The following SBNO2 variants were observed in gnomAD, a reference collection of about 807,000 sequenced individuals.
SBNO2 encodes protein strawberry notch homolog 2.
In SBNO2, 89 loss-of-function variants were observed where a neutral mutation model predicts 146.3. The ratio of observed to expected loss-of-function variants is 0.61; its 90% confidence interval spans 0.51 to 0.73. The LOEUF (loss-of-function observed/expected upper bound fraction) is 0.73, where lower values mean the gene tolerates loss of function less well. Ranked by LOEUF, SBNO2 falls within the 30% of genes least tolerant of loss-of-function variation. The pLI, the probability that SBNO2 is intolerant of heterozygous loss-of-function variation, is 0.00. For missense variants in SBNO2, 2,092 were observed against 2,003.7 expected (o/e 1.04, Z -0.84); for synonymous variants, 1,147 against 892.6 (o/e 1.29, Z -5.08).
At chr19:1,151,901 A>T (rs2080245916) in intron 2 of SBNO2, among the ~76,000 whole-genome samples, 1 of 152,106 alleles carries the variant, frequency 6.6e-6, no homozygotes. Flanking sequence ...GACCCCAAGC[A>T]ATGTGCCCAC....
At chr19:1,119,871 T>C (rs1260153690) in intron 12 of SBNO2, 35 bp downstream of exon 12, 19 of 1,463,470 alleles carry the variant, frequency 1.3e-5, no homozygotes, top group Non-Finnish European at 1.8e-5. Flanking sequence ...AAGACGCTGC[T>C]GCGGGTGGGT....
At chr19:1,130,766 T>C (rs975661112) in intron 4 of SBNO2, among the ~76,000 whole-genome samples, 2 of 152,192 alleles carry the variant, frequency 1.3e-5, no homozygotes, top group African/African-American at 4.8e-5. Flanking sequence ...CACACCAGCC[T>C]GGGTGACAGA....
chr19:1,133,449 C>T (rs1207182321), intron 4 of SBNO2, among the ~76,000 whole-genome samples: 1 of 151,844 alleles, frequency 6.6e-6, no homozygotes, highest in Non-Finnish European at 1.5e-5. Context: ...GTGCACTCCG[C>T]CCCCTCGGGC....
chr19:1,129,648 G>A (rs769759716), intron 4 of SBNO2, among the ~76,000 whole-genome samples: 1 of 152,186 alleles, frequency 6.6e-6, no homozygotes, highest in Admixed American at 6.5e-5. Context: ...GCCTGGTCAC[G>A]CTGACCTGTG....
chr19:1,107,781 G>A lies in SBNO2; in HGVS notation c.*439C>T, dbSNP rs1318514418. 2 of 154,148 alleles carry A rather than the reference G, an allele frequency of 1.3e-5. No individual in the cohort carries two copies. Among genetic ancestry groups the A allele is most frequent in the Non-Finnish European group, 2.9e-5 (2 of 69,068 alleles). The allele number at this position is 154,148 out of a possible 1,614,324, so 9.5% of individuals were successfully genotyped here. On this transcript the variant is annotated 3_prime_UTR_variant, in exon 32 of 32. Coordinates refer to ENST00000361757, the MANE Select transcript of SBNO2 (RefSeq NM_014963.3). ...AGAGGTGAGCGGGCAATAACTTAGGGGTCAGGGAAGGGCTGGGGGAGGGAG... is the reference window on the plus strand; with the variant it reads ...AGAGGTGAGCGGGCAATAACTTAGGAGTCAGGGAAGGGCTGGGGGAGGGAG...
chr19:1,111,775 G>C lies in SBNO2; in HGVS notation c.2701-161C>G, dbSNP rs560966999. On this transcript the variant is annotated intron_variant, in intron 23 of 31. Transcript: ENST00000361757. ...CCCAGCTCTCAGCCACCTCCTCCCC[G>C]GGGGTCCTAGACTGGGTCCTCCCCC... 6.0e-3 allele frequency among the ~76,000 whole-genome samples: 425 copies of C among 70,982 alleles called. 1 individual carries two copies. Among genetic ancestry groups the C allele is most frequent in the African/African-American group, 0.021 (396 of 18,600 alleles). 46.6% of individuals were successfully genotyped at this position (70,982 alleles called of 152,430 possible). A position where few individuals can be genotyped will look rare whatever the true frequency, so the allele number is the denominator to read the frequency against.
chr19:1,129,918 T>C (rs572793528), intron 4 of SBNO2, among the ~76,000 whole-genome samples: 1 of 152,216 alleles, frequency 6.6e-6, no homozygotes, highest in South Asian at 2.1e-4. Context: ...CCTCACCAGG[T>C]GCCCTTGGCC....
At chr19:1,131,970 C>T (rs1241335166) in intron 4 of SBNO2, 6 of 650,854 alleles carry the variant, frequency 9.2e-6, no homozygotes. Context: ...TCCTGGCGGC[C>T]TCGGACTCTA....
chr19:1,132,758 G>A (rs1170673187), intron 4 of SBNO2, among the ~76,000 whole-genome samples: 2 of 152,128 alleles, frequency 1.3e-5, no homozygotes, highest in African/African-American at 2.4e-5. Context: ...TTTCCCTGCT[G>A]TCCGTGCCCA....
intron 5 of SBNO2, among the ~76,000 whole-genome samples, chr19:1,125,609 G>T (rs2079956303): frequency 6.6e-6 from 1 of 152,132 alleles, no homozygotes; most frequent in East Asian, 1.9e-4. Flanking sequence ...GGAGGTGGAG[G>T]GTGCAGTGAG....
intron 7 of SBNO2, 64 bp from the exon 8 acceptor site, chr19:1,123,109 T>C (rs2079923433): frequency 3.9e-6 from 6 of 1,543,882 alleles, no homozygotes; most frequent in African/African-American, 1.4e-5. Flanking sequence ...GGGCCGGTTA[T>C]GGCACGCTGG....
In SBNO2 at chr19:1,123,063, G is replaced by A; in HGVS notation, c.629-18C>T. The A allele has an allele frequency of 6.3e-7, 1 of 1,589,262 alleles. No homozygotes were observed. Among genetic ancestry groups the A allele is most frequent in the Non-Finnish European group, 8.6e-7 (1 of 1,168,722 alleles). ...GATCTTGGCTGGAGGAGCAAGGACG[G>A]AGGGCAAGGTAAAGGGTATGGCCAA... On this transcript the variant is annotated intron_variant, in intron 7 of 31. Coordinates refer to ENST00000361757, the MANE Select transcript of SBNO2 (RefSeq NM_014963.3).
At position 1,117,617 on chromosome 19, in the gene SBNO2, C is replaced by T. The variant is rs528616932; in HGVS notation, c.1528-118G>A. On this transcript the variant is annotated intron_variant, in intron 14 of 31. Coordinates refer to ENST00000361757, the MANE Select transcript of SBNO2 (RefSeq NM_014963.3). ...TCCCCACGCCAGGTGGAATTTAGGG[C>T]AGGATGGGGGTGCTGGGGGTGTGCA... 3.7e-6 allele frequency: 4 copies of T among 1,079,016 alleles called. No individual in the cohort carries two copies. The East Asian group carries it at 1.0e-4, about 28-fold the overall frequency. The allele number at this position is 1,079,016 out of a possible 1,614,324, so 66.8% of individuals were successfully genotyped here.
intron 1 of SBNO2, among the ~76,000 whole-genome samples, chr19:1,163,857 C>T (rs1415766019): frequency 2.0e-5 from 3 of 152,212 alleles, no homozygotes; most frequent in Non-Finnish European, 2.9e-5. Context: ...CCCCGCCCCA[C>T]GAGGAACGGC....
In SBNO2 at chr19:1,109,064, C is replaced by CCTCTCA; in HGVS notation, c.3425+70_3425+71insTGAGAG. ...GATCTCCCGCCTCCTCTCAGGGTCT[C>CCTCTCA]GGGAGCCCCCGATCCCCGCCTGGGT... On this transcript the variant is annotated intron_variant, in intron 30 of 31. Transcript: ENST00000361757. The surrounding 1 kb of genome is among the most constrained non-coding windows in gnomAD (Gnocchi z 4.2). 2 of 1,526,160 alleles carry CCTCTCA rather than the reference C, an allele frequency of 1.3e-6. No individual in the cohort carries two copies. The highest frequency in any genetic ancestry group is 1.8e-6 in the Non-Finnish European group (2 of 1,137,178). The allele number at this position is 1,526,160 out of a possible 1,614,324, so 94.5% of individuals were successfully genotyped here.
In SBNO2 at chr19:1,149,363, A is replaced by G; in HGVS notation, c.167+6T>C. The G allele has an allele frequency of 4.5e-6, 7 of 1,550,956 alleles. No individual in the cohort carries two copies. Among genetic ancestry groups the G allele is most frequent in the African/African-American group, 1.4e-5 (1 of 73,154 alleles). On this transcript the variant is annotated splice_donor_region_variant and intron_variant, in intron 3 of 31. Coordinates refer to ENST00000361757, the MANE Select transcript of SBNO2 (RefSeq NM_014963.3). ...GGGGCCAGGCGGGGAGGGTCCCGGT[A>G]CTCACCGGCTGTCGCTGGAGAAGGC... is the stretch of plus-strand genomic sequence containing the variant.
At chr19:1,128,281 C>A in intron 4 of SBNO2, 2 of 441,740 alleles carry the variant, frequency 4.5e-6, no homozygotes, top group Non-Finnish European at 4.5e-6. Context: ...GAGCCTGGTG[C>A]CATGCCCTGT....
rs2080174160 is a variant in SBNO2, at chr19:1,144,906, AGATG to A, written c.279+2399_279+2402del. Among the ~76,000 whole-genome samples the A allele has an allele frequency of 8.4e-6, 1 of 118,446 alleles. No homozygotes were observed. Among genetic ancestry groups the A allele is most frequent in the African/African-American group, 4.8e-5 (1 of 20,988 alleles). 77.7% of individuals were successfully genotyped at this position (118,446 alleles called of 152,430 possible). ...GAGGGAGACAGAGAGACAGAGGCGG[AGATG>A]GAGACAGAGACAGAGAGACAGAGAC... On this transcript the variant is annotated intron_variant, in intron 4 of 31. Coordinates refer to ENST00000361757, the MANE Select transcript of SBNO2 (RefSeq NM_014963.3). This position sits in a 1 kb window ranked among gnomAD's most constrained non-coding sequence, Gnocchi z 4.1.
At position 1,128,201 on chromosome 19, in the gene SBNO2, G is replaced by A. The variant is rs150272204; in HGVS notation, c.280-436C>T. The A allele has an allele frequency of 4.0e-4, 197 of 496,064 alleles. 2 individuals carry two copies. The East Asian group carries it at 4.5e-3, about 11-fold the overall frequency. 30.7% of individuals were successfully genotyped at this position (496,064 alleles called of 1,614,324 possible). On this transcript the variant is annotated intron_variant, in intron 4 of 31. Coordinates refer to ENST00000361757, the MANE Select transcript of SBNO2 (RefSeq NM_014963.3). ...ACCAACCCTCAGGGCCACGCAGGACGGCGTCTGACTTCTGCAGCACCTGAA... is the reference window on the plus strand; with the variant it reads ...ACCAACCCTCAGGGCCACGCAGGACAGCGTCTGACTTCTGCAGCACCTGAA...
Sources: gnomAD v4.1 joint callset for allele counts (sites outside exome capture counted in the v4.1 genomes callset) on GRCh38, gnomAD v4.1.1 for gene constraint, Gnocchi (gnomAD v3.1) non-coding constraint, MANE v1.5 for transcripts, NCBI Gene and HGNC (gene_info 2026-07-23, HGNC 2026-07-21) for gene names.